The following PSMA8 variants were observed in gnomAD, a reference collection of about 807,000 sequenced individuals.
The protein encoded by PSMA8 is proteasome subunit alpha-type 8.
Under a neutral mutation model 32.4 loss-of-function variants are expected in PSMA8, and 18 were observed. That is an observed-to-expected ratio of 0.56 (90% CI 0.38 to 0.82). PSMA8 has a LOEUF of 0.82. Among genes scored for constraint, PSMA8 ranks in the 40% least tolerant of loss-of-function variants. The pLI is 0.00. For synonymous variants in PSMA8, 104 were observed against 98.1 expected, an observed-to-expected ratio of 1.06 and a Z score of -0.36; for missense variants, 298 against 300.7, an observed-to-expected ratio of 0.99 and a Z score of 0.07.
chr18:26,190,243 T>C (rs1170318177), intron 6 of PSMA8, among the ~76,000 whole-genome samples: 1 of 152,114 alleles, frequency 6.6e-6, no homozygotes, highest in African/African-American at 2.4e-5. Flanking sequence ...AGGGTAACTA[T>C]AGTCAATAAC....
intron 1 of PSMA8, among the ~76,000 whole-genome samples, chr18:26,136,014 A>T (rs1021705359): frequency 1.3e-5 from 2 of 151,438 alleles, no homozygotes; most frequent in African/African-American, 4.9e-5. Flanking sequence ...TATTCTGTCT[A>T]GAAGTGAAAA....
rs2055210717 is a variant in PSMA8 at position 26,170,317 on chromosome 18, A to G, written c.478-8513A>G. Among the ~76,000 whole-genome samples, 2 of 131,912 alleles carry G rather than the reference A, an allele frequency of 1.5e-5. 1 individual carries two copies. The highest frequency in any genetic ancestry group is 3.0e-5 in the Non-Finnish European group (2 of 67,302). 86.5% of individuals were successfully genotyped at this position (131,912 alleles called of 152,430 possible). On this transcript the variant is annotated intron_variant, in intron 4 of 6. Coordinates refer to ENST00000415576, the MANE Select transcript of PSMA8 (RefSeq NM_001025096.2). ...CCACTGTTACAAACAAGGTGGCAAC[A>G]TTTATCTACAAACCTCTGGATATAC... is the stretch of plus-strand genomic sequence containing the variant.
chr18:26,136,692 A>G (rs1183034282), intron 1 of PSMA8, among the ~76,000 whole-genome samples: 1 of 152,132 alleles, frequency 6.6e-6, no homozygotes, highest in Non-Finnish European at 1.5e-5. Flanking sequence ...ATTTGACCTG[A>G]TATTTTCTTT....
chr18:26,146,167 C>CTT (rs202017816), intron 2 of PSMA8, among the ~76,000 whole-genome samples: 2 of 134,640 alleles, frequency 1.5e-5, no homozygotes, highest in East Asian at 2.1e-4. Flanking sequence ...TGCCTCTTGT[C>CTT]TTTTTTTTTT....
chr18:26,178,805 A>T (rs2055285045), intron 4 of PSMA8, 25 bp from the exon 5 acceptor site: 1 of 1,600,148 alleles, frequency 6.2e-7, no homozygotes. Context: ...CAATGATATT[A>T]ATAAATTAAC....
intron 6 of PSMA8, among the ~76,000 whole-genome samples, chr18:26,181,518 A>G (rs2055311376): frequency 6.6e-6 from 1 of 152,220 alleles, no homozygotes; most frequent in Non-Finnish European, 1.5e-5. Context: ...GTTTTAAATA[A>G]AAAAACTAGA....
At chr18:26,147,893 G>A (rs927846468) in intron 2 of PSMA8, among the ~76,000 whole-genome samples, 1 of 152,124 alleles carries the variant, frequency 6.6e-6, no homozygotes, top group African/African-American at 2.4e-5. Context: ...CAGTTTTACA[G>A]TTTTAATTCT....
intron 1 of PSMA8, chr18:26,140,234 C>A: frequency 1.5e-6 from 1 of 671,560 alleles, no homozygotes; most frequent in South Asian, 1.6e-5. Flanking sequence ...GGTCAGCAGG[C>A]AGGCTGGCTT....
chr18:26,179,557 A>G (rs1297806442), intron 6 of PSMA8, among the ~76,000 whole-genome samples: 1 of 152,114 alleles, frequency 6.6e-6, no homozygotes, highest in African/African-American at 2.4e-5. Flanking sequence ...GTCTCATGTT[A>G]TTATATGTAT....
At chr18:26,139,447 T>C (rs541128718) in intron 1 of PSMA8, among the ~76,000 whole-genome samples, 16 of 152,332 alleles carry the variant, frequency 1.1e-4, no homozygotes, top group African/African-American at 3.8e-4. Flanking sequence ...TGAGAGACCC[T>C]GAGCCAGAGG....
At chr18:26,169,600 G>T (rs2055205869) in intron 4 of PSMA8, among the ~76,000 whole-genome samples, 1 of 129,740 alleles carries the variant, frequency 7.7e-6, no homozygotes, top group African/African-American at 4.3e-5. Context: ...AGCACTTTGG[G>T]AGGCTGAGGT....
At chr18:26,181,178 C>T (rs999738558) in intron 6 of PSMA8, among the ~76,000 whole-genome samples, 44 of 152,080 alleles carry the variant, frequency 2.9e-4, no homozygotes, top group Non-Finnish European at 5.9e-4. Flanking sequence ...ATATTTCAGA[C>T]TTTTTCATTA....
chr18:26,169,540 A>G (rs1306283758), intron 4 of PSMA8, among the ~76,000 whole-genome samples: 2 of 129,800 alleles, frequency 1.5e-5, no homozygotes, highest in Admixed American at 1.5e-4. Flanking sequence ...TTTTTACTAC[A>G]TAAAAAGAAT....
At chr18:26,149,058 G>C (rs1322110628) in intron 2 of PSMA8, among the ~76,000 whole-genome samples, 1 of 151,966 alleles carries the variant, frequency 6.6e-6, no homozygotes, top group African/African-American at 2.4e-5. Context: ...GCCCAGGCTG[G>C]TCTCAAACTC....
At chr18:26,170,443 C>G (rs1453569341) in intron 4 of PSMA8, among the ~76,000 whole-genome samples, 1 of 130,852 alleles carries the variant, frequency 7.6e-6, no homozygotes, top group Non-Finnish European at 1.5e-5. Flanking sequence ...AAAAGCCCGA[C>G]AATGTCAAGG....
chr18:26,148,712 G>A (rs1041915850), intron 2 of PSMA8, among the ~76,000 whole-genome samples: 1 of 152,090 alleles, frequency 6.6e-6, no homozygotes, highest in Non-Finnish European at 1.5e-5. Flanking sequence ...AATTGGGAGG[G>A]AAGAAAAATC....
chr18:26,167,861 T>A (rs1012438211), intron 4 of PSMA8, among the ~76,000 whole-genome samples: 4 of 91,464 alleles, frequency 4.4e-5, no homozygotes, highest in South Asian at 5.2e-4. Flanking sequence ...TTTTTTTTTT[T>A]TTATTAACAA....
Position 26,166,113 on chromosome 18 carries a change from G to A in PSMA8, c.477+7869G>A, listed in dbSNP as rs57492600. Among the ~76,000 whole-genome samples, 4 of 151,480 alleles carry A rather than the reference G, an allele frequency of 2.6e-5. 1 individual carries two copies. In the East Asian group the frequency reaches 7.7e-4, roughly 29 times the overall value. On this transcript the variant is annotated intron_variant, in intron 4 of 6. Transcript: ENST00000415576. ...TGAGACTCTGTCTCAAAAAGAAAAA[G>A]AAAAAAAGAAAAGAAAAGAAAAACT... is the stretch of plus-strand genomic sequence containing the variant.
intron 4 of PSMA8, among the ~76,000 whole-genome samples, chr18:26,164,362 T>C (rs1212432393): frequency 6.6e-6 from 1 of 152,180 alleles, no homozygotes; most frequent in Non-Finnish European, 1.5e-5. Flanking sequence ...AAGTGAAAGA[T>C]GGCTGGGAAA....
Sources: gnomAD v4.1 joint callset for allele counts (sites outside exome capture counted in the v4.1 genomes callset) on GRCh38, gnomAD v4.1.1 for gene constraint, MANE v1.5 for transcripts, NCBI Gene and HGNC (gene_info 2026-07-23, HGNC 2026-07-21) for gene names.